XYLB: variants seen among roughly 807,000 people sequenced by gnomAD.
The protein encoded by XYLB is xylulokinase, also known as xylulose kinase.
A neutral mutation model predicts 78.7 loss-of-function variants in XYLB; 62 were observed. The ratio of observed to expected loss-of-function variants is 0.79; its 90% CI spans 0.64 to 0.97. The LOEUF (loss-of-function observed/expected upper bound fraction) is 0.97, where lower values mean the gene tolerates loss of function less well. Ranked by LOEUF, XYLB falls within the 50% of genes least tolerant of loss-of-function variation. XYLB has a pLI of 0.00. For missense variants in XYLB, 687 were observed against 676.8 expected, an observed-to-expected ratio of 1.02 and a Z score of -0.17; for synonymous variants, 245 against 247.4, an observed-to-expected ratio of 0.99 and a Z score of 0.09.
At chr3:38,391,431 T>G (rs117619530) in intron 15 of XYLB, among the ~76,000 whole-genome samples, 1 of 152,206 alleles carries the variant, frequency 6.6e-6, no homozygotes, top group Non-Finnish European at 1.5e-5. Context: ...TTTTTGCCCT[T>G]TCTGAACTTC....
chr3:38,367,603 C>T (rs1177508029), intron 7 of XYLB, among the ~76,000 whole-genome samples: 1 of 152,158 alleles, frequency 6.6e-6, no homozygotes, highest in African/African-American at 2.4e-5. Context: ...CGAAGTTTGC[C>T]TGACAGAGGA....
rs1166334069 is a variant in XYLB, at chr3:38,410,627, T to C, written c.1534-2309T>C. On this transcript the variant is annotated intron_variant, in intron 18 of 18. Transcript: ENST00000207870. ...ACAAAATGGGAGAAAATTTTTGCAA[T>C]CTACTCATCTGACAAAGGGCTAATA... Among the ~76,000 whole-genome samples, 52 of 151,528 alleles carry C rather than the reference T, an allele frequency of 3.4e-4. 2 individuals carry two copies. Among genetic ancestry groups the C allele is most frequent in the South Asian group, 6.3e-4 (3 of 4,800 alleles).
chr3:38,382,003 G>A lies in XYLB; in HGVS notation c.1291+2661G>A, dbSNP rs1220834245. Among the ~76,000 whole-genome samples, 2 of 151,382 alleles carry A rather than the reference G, an allele frequency of 1.3e-5. 1 individual carries two copies. Among genetic ancestry groups the A allele is most frequent in the South Asian group, 4.2e-4 (2 of 4,810 alleles). On this transcript the variant is annotated intron_variant, in intron 15 of 18. Transcript: ENST00000207870. ...AAAAACTTGCTGGTTTTTGTGGCTT[G>A]TGGGGCATCACGGATCCTACCAACG...
downstream of XYLB, among the ~76,000 whole-genome samples, chr3:38,421,007 C>T (rs1279177304): frequency 2.0e-5 from 3 of 152,220 alleles, no homozygotes; most frequent in Admixed American, 6.5e-5. Flanking sequence ...CAGCCAGAGC[C>T]TGTTTCTCTG....
At chr3:38,398,217 T>C (rs1038184221) in intron 17 of XYLB, among the ~76,000 whole-genome samples, 5 of 151,638 alleles carry the variant, frequency 3.3e-5, no homozygotes, top group Admixed American at 6.6e-5. Flanking sequence ...TGCCTGTAAT[T>C]CCAGCATTTT....
At chr3:38,440,814 TTCTC>T in the XYLB span, among the ~76,000 whole-genome samples, 4 of 151,760 alleles carry the variant, frequency 2.6e-5, no homozygotes, top group South Asian at 2.1e-4. Flanking sequence ...CTCTCTCTCT[TTCTC>T]TCTCTTTCCT....
At chr3:38,364,051 C>T (rs987128527) in intron 4 of XYLB, among the ~76,000 whole-genome samples, 1 of 152,110 alleles carries the variant, frequency 6.6e-6, no homozygotes, top group Non-Finnish European at 1.5e-5. Context: ...ACCCATCTCC[C>T]TCCTAGCTAA....
chr3:38,416,200 GGA>G (rs1708788390), downstream of XYLB, among the ~76,000 whole-genome samples: 1 of 152,208 alleles, frequency 6.6e-6, no homozygotes, highest in East Asian at 1.9e-4. Context: ...AAAAAAGAAG[GGA>G]GAGAGGAAGA....
At chr3:38,401,781 T>G (rs1033649530) in intron 18 of XYLB, among the ~76,000 whole-genome samples, 1 of 152,128 alleles carries the variant, frequency 6.6e-6, no homozygotes, top group African/African-American at 2.4e-5. Flanking sequence ...GTTGGGAGAA[T>G]AAGTTCTTCA....
downstream of XYLB, among the ~76,000 whole-genome samples, chr3:38,426,001 G>A (rs1239896747): frequency 2.0e-5 from 3 of 152,220 alleles, no homozygotes; most frequent in East Asian, 1.9e-4. Flanking sequence ...TCCTTGGGAA[G>A]CCTCTCCTTC....
At chr3:38,427,807 G>A in the XYLB span, among the ~76,000 whole-genome samples, 1 of 152,248 alleles carries the variant, frequency 6.6e-6, no homozygotes, top group Non-Finnish European at 1.5e-5. Context: ...GGGCAGGCTG[G>A]TCTAGAACTC....
intron 6 of XYLB, among the ~76,000 whole-genome samples, 199 bp from the exon 7 acceptor site, chr3:38,366,609 T>C (rs1398321992): frequency 6.6e-6 from 1 of 152,236 alleles, no homozygotes; most frequent in South Asian, 2.1e-4. Flanking sequence ...ACTCCTGGGC[T>C]CCAGAGTTCC....
intron 2 of XYLB, among the ~76,000 whole-genome samples, chr3:38,358,644 G>A (rs1705808509): frequency 1.3e-5 from 2 of 152,068 alleles, no homozygotes; most frequent in South Asian, 2.1e-4. Flanking sequence ...GTGCCCAGCC[G>A]AAATGCCAGT....
the XYLB span, among the ~76,000 whole-genome samples, chr3:38,441,755 C>T: frequency 1.1e-4 from 17 of 152,238 alleles, no homozygotes; most frequent in African/African-American, 3.9e-4. Flanking sequence ...TGGCCATTGC[C>T]GCAACTACCC....
At chr3:38,415,731 G>A (rs1485440919), downstream of XYLB, among the ~76,000 whole-genome samples, 2 of 152,088 alleles carry the variant, frequency 1.3e-5, no homozygotes, top group African/African-American at 4.8e-5. Context: ...GCAGTGAGCC[G>A]AGATTGTGCC....
Position 38,368,375 on chromosome 3 carries a change from T to C in XYLB, c.646+118T>C, listed in dbSNP as rs529888854. ...GCCAATCTTGTAGCCCTGTCATCTG[T>C]TGCCAGGAAGGAAGTGTATTCATTA... On this transcript the variant is annotated intron_variant, in intron 8 of 18. Transcript: ENST00000207870. 6.6e-5 allele frequency: 58 copies of C among 881,244 alleles called. 1 individual carries two copies. In the South Asian group the frequency reaches 8.1e-4, roughly 12 times the overall value. The allele number at this position is 881,244 out of a possible 1,614,324, so 54.6% of individuals were successfully genotyped here.
downstream of XYLB, among the ~76,000 whole-genome samples, chr3:38,417,175 C>T (rs1575554480): frequency 1.3e-5 from 2 of 152,196 alleles, no homozygotes; most frequent in South Asian, 2.1e-4. Flanking sequence ...ATGGCCCACA[C>T]CTGTAATCCC....
At chr3:38,371,113 T>A (rs971729557) in intron 9 of XYLB, among the ~76,000 whole-genome samples, 1 of 152,020 alleles carries the variant, frequency 6.6e-6, no homozygotes, top group African/African-American at 2.4e-5. Context: ...CAGAAGCACT[T>A]TTGTTTTCTT....
chr3:38,366,623 C>G (rs935344131), intron 6 of XYLB, among the ~76,000 whole-genome samples, 185 bp from the exon 7 acceptor site: 1 of 152,196 alleles, frequency 6.6e-6, no homozygotes, highest in Non-Finnish European at 1.5e-5. Flanking sequence ...GAGTTCCTCT[C>G]GCTTCAGCCT....
Sources: gnomAD v4.1 joint callset for allele counts (sites outside exome capture counted in the v4.1 genomes callset) on GRCh38, gnomAD v4.1.1 for gene constraint, MANE v1.5 for transcripts, NCBI Gene and HGNC (gene_info 2026-07-23, HGNC 2026-07-21) for gene names.